Variants in KLHL4 observed in about 807,000 individuals in gnomAD.
KLHL4 encodes kelch like family member 4.
In KLHL4, 17 loss-of-function variants were observed where a neutral mutation model predicts 45.8. That is an observed-to-expected ratio of 0.37 (90% CI 0.25 to 0.56). The LOEUF is 0.56. Among genes scored for constraint, KLHL4 ranks in the 20% least tolerant of loss-of-function variants. The pLI is 0.79. For missense variants in KLHL4, 544 were observed against 544.9 expected (o/e 1.00, Z 0.02); for synonymous variants, 224 against 189.9 (o/e 1.18, Z -1.47).
At chrX:87,571,782 G>A (rs1932338722) in intron 1 of KLHL4, among the ~76,000 whole-genome samples, 1 of 110,759 alleles carries the variant, frequency 9.0e-6, no homozygotes, top group Admixed American at 9.6e-5. Flanking sequence ...AAAGTCAATT[G>A]ATATAGAGAC....
At chrX:87,580,864 A>G (rs1319888992) in intron 1 of KLHL4, among the ~76,000 whole-genome samples, 1 of 112,081 alleles carries the variant, frequency 8.9e-6, no homozygotes, top group Non-Finnish European at 1.9e-5. Context: ...TGAACATAAA[A>G]GAAATAGACA....
At chrX:87,527,032 T>C (rs1931125116) in intron 1 of KLHL4, among the ~76,000 whole-genome samples, 1 of 111,851 alleles carries the variant, frequency 8.9e-6, no homozygotes. Flanking sequence ...TATAAAACTA[T>C]GGAATGAAAT....
In KLHL4 at chrX:87,666,705, G is replaced by A. The variant is rs373423548; in HGVS notation, c.*171G>A. 16 of 976,701 alleles carry A rather than the reference G, an allele frequency of 1.6e-5. No homozygotes were observed. Among genetic ancestry groups the A allele is most frequent in the African/African-American group, 6.0e-5 (3 of 50,254 alleles). The allele number at this position is 976,701 out of a possible 1,213,427, so 80.5% of individuals were successfully genotyped here. A position where few individuals can be genotyped will look rare whatever the true frequency, so the allele number is the denominator to read the frequency against. ...TTGCTTTCATTCGTGAAGCCGAAAC[G>A]TTTTTAAACATGAATTACATATGAA... On this transcript the variant is annotated 3_prime_UTR_variant, in exon 11 of 11. Transcript: ENST00000373119.
At chrX:87,547,738 G>A (rs993634745) in intron 1 of KLHL4, among the ~76,000 whole-genome samples, 3 of 110,576 alleles carry the variant, frequency 2.7e-5, no homozygotes, top group Admixed American at 9.7e-5. Flanking sequence ...GAAGAATGGC[G>A]TGAACCCGGG....
At chrX:87,526,324 T>A (rs1446670646) in intron 1 of KLHL4, among the ~76,000 whole-genome samples, 1 of 112,299 alleles carries the variant, frequency 8.9e-6, no homozygotes, top group Non-Finnish European at 1.9e-5. Flanking sequence ...GAATTATTTA[T>A]TGAGCCCTCA....
At chrX:87,573,050 C>T (rs183262259) in intron 1 of KLHL4, among the ~76,000 whole-genome samples, 7 of 111,772 alleles carry the variant, frequency 6.3e-5, no homozygotes, top group African/African-American at 2.3e-4. Flanking sequence ...ATCATAAATT[C>T]AGTAAAGGCA....
chrX:87,629,603 C>T (rs908601201), intron 6 of KLHL4, among the ~76,000 whole-genome samples: 7 of 111,395 alleles, frequency 6.3e-5, no homozygotes, highest in South Asian at 3.7e-4. Flanking sequence ...CCCCACCATT[C>T]GTATCTTCAT....
At chrX:87,528,122 A>C (rs5967844) in intron 1 of KLHL4, among the ~76,000 whole-genome samples, 28,797 of 110,658 alleles carry the variant, frequency 0.26, 3,100 homozygotes, top group East Asian at 0.54. Flanking sequence ...ATACAAAAAA[A>C]TTCAAACAAA....
At chrX:87,639,745 C>T (rs1387261236) in intron 9 of KLHL4, among the ~76,000 whole-genome samples, 1 of 110,325 alleles carries the variant, frequency 9.1e-6, no homozygotes, top group Non-Finnish European at 1.9e-5. Context: ...TGAATGCCTA[C>T]ATCAAAAAGT....
rs1924449704 is a variant in KLHL4 at position 87,668,465 on chromosome X, C to A, written c.*1931C>A. On this transcript the variant is annotated 3_prime_UTR_variant, in exon 11 of 11. Transcript: ENST00000373119. ...GAAGAGACATGTATGTTTCCCGGGGCTACCCCTTCATAGCTGCATTTAAAA... is the reference window on the plus strand; with the variant it reads ...GAAGAGACATGTATGTTTCCCGGGGATACCCCTTCATAGCTGCATTTAAAA... 2 of 753,335 alleles carry A rather than the reference C, an allele frequency of 2.7e-6. No individual in the cohort carries two copies. Among genetic ancestry groups the A allele is most frequent in the Non-Finnish European group, 3.1e-6 (2 of 638,462 alleles). 62.1% of individuals were successfully genotyped at this position (753,335 alleles called of 1,213,427 possible).
rs1403399060 is a variant in KLHL4 at position 87,668,145 on chromosome X, A to G, written c.*1611A>G. 1.3e-6 allele frequency: 1 copy of G among 746,700 alleles called. No individual in the cohort carries two copies. The highest frequency in any genetic ancestry group is 2.3e-5 in the African/African-American group (1 of 43,250). The allele number at this position is 746,700 out of a possible 1,213,427, so 61.5% of individuals were successfully genotyped here. A position where few individuals can be genotyped will look rare whatever the true frequency, so the allele number is the denominator to read the frequency against. ...GAGACATAGAGAGGCTGTGAAACAC[A>G]CATACAGCCCTGTTAGGTCTTTTGA... On this transcript the variant is annotated 3_prime_UTR_variant, in exon 11 of 11. Transcript: ENST00000373119.
chrX:87,657,407 A>G (rs1406874426), intron 9 of KLHL4, among the ~76,000 whole-genome samples: 1 of 111,733 alleles, frequency 8.9e-6, no homozygotes, highest in African/African-American at 3.3e-5. Context: ...ATGGTGGAGG[A>G]GTGATGTAGG....
chrX:87,655,913 T>G lies in KLHL4; in HGVS notation c.1926-8851T>G, dbSNP rs1325411803. On this transcript the variant is annotated intron_variant, in intron 9 of 10. Coordinates refer to ENST00000373119, the MANE Select transcript of KLHL4 (RefSeq NM_019117.5). ...CAGATTTTCTCAGTGTTTGCTTGCC[T>G]GCAAAATACTTTATTTCTTCTTCAT... 1.7e-4 allele frequency among the ~76,000 whole-genome samples: 19 copies of G among 111,753 alleles called. No homozygotes were observed. In the Admixed American group the frequency reaches 1.8e-3, roughly 11 times the overall value.
chrX:87,596,395 G>T (rs2147803242), intron 1 of KLHL4, among the ~76,000 whole-genome samples: 1 of 111,802 alleles, frequency 8.9e-6, no homozygotes, highest in South Asian at 3.7e-4. Flanking sequence ...AACTACATGG[G>T]ATATCGTATT....
At chrX:87,584,679 A>T (rs1032857194) in intron 1 of KLHL4, among the ~76,000 whole-genome samples, 1 of 109,425 alleles carries the variant, frequency 9.1e-6, no homozygotes, top group Non-Finnish European at 1.9e-5. Flanking sequence ...AAGACAAAAT[A>T]AAAAAAAAGA....
chrX:87,577,226 C>T (rs927505606), intron 1 of KLHL4, among the ~76,000 whole-genome samples: 16 of 111,471 alleles, frequency 1.4e-4, no homozygotes, highest in African/African-American at 4.9e-4. Context: ...CCTGTTTTCC[C>T]GGAGCATACA....
intron 1 of KLHL4, among the ~76,000 whole-genome samples, chrX:87,553,472 C>T (rs1385049650): frequency 2.7e-5 from 3 of 109,973 alleles, no homozygotes; most frequent in Non-Finnish European, 5.7e-5. Flanking sequence ...ATGATTATTC[C>T]CAAATACAAA....
At chrX:87,590,921 T>C (rs1234682211) in intron 1 of KLHL4, among the ~76,000 whole-genome samples, 3 of 112,125 alleles carry the variant, frequency 2.7e-5, no homozygotes, top group Non-Finnish European at 3.8e-5. Context: ...TTCCATATGT[T>C]GACTATAGTA....
At chrX:87,565,294 G>A (rs1378169281) in intron 1 of KLHL4, among the ~76,000 whole-genome samples, 1 of 111,859 alleles carries the variant, frequency 8.9e-6, no homozygotes, top group Non-Finnish European at 1.9e-5. Flanking sequence ...TGCAGAAAAA[G>A]ACAGTGGAGA....
Sources: allele counts gnomAD v4.1 joint callset (sites outside exome capture counted in the v4.1 genomes callset), GRCh38; gene constraint gnomAD v4.1.1; transcripts MANE v1.5; gene names NCBI Gene and HGNC (gene_info 2026-07-23, HGNC 2026-07-21).